Variants in MYO5B observed in about 807,000 individuals in gnomAD.
The protein encoded by MYO5B is myosin VB.
MYO5B carries 143 observed loss-of-function variants against 229.3 expected under a neutral mutation model. The observed-to-expected ratio is 0.62, with a 90% CI of 0.54 to 0.72. The LOEUF (loss-of-function observed/expected upper bound fraction) is 0.72. Ranked by LOEUF, MYO5B falls within the 30% of genes least tolerant of loss-of-function variation. The pLI is 0.00. For synonymous variants in MYO5B, 918 were observed against 885.2 expected (o/e 1.04, Z -0.66); for missense variants, 2,321 against 2,331.0 (o/e 1.00, Z 0.09).
intron 20 of MYO5B, 93 bp from the exon 21 acceptor site, chr18:49,902,926 A>G (rs1176104962): frequency 4.0e-6 from 6 of 1,513,808 alleles, no homozygotes; most frequent in Non-Finnish European, 4.5e-6. Context: ...GGAAGAGGCC[A>G]GGGCAGCCTT....
rs376280130 is a variant in MYO5B at position 50,009,502 on chromosome 18, T to C, written c.456-8091A>G. ...CTATATTAATATAAAAAACCTATTA[T>C]AGTGAGGGAAGTTAGATAGGAGGAA... On this transcript the variant is annotated intron_variant, in intron 4 of 39. Coordinates refer to ENST00000285039, the MANE Select transcript of MYO5B (RefSeq NM_001080467.3). Among the ~76,000 whole-genome samples the C allele has an allele frequency of 1.1e-4, 17 of 152,156 alleles. 1 individual carries two copies. The South Asian group carries it at 1.7e-3, about 15-fold the overall frequency.
At chr18:49,908,690 G>A (rs537547868) in intron 18 of MYO5B, among the ~76,000 whole-genome samples, 50 of 152,276 alleles carry the variant, frequency 3.3e-4, no homozygotes, top group Middle Eastern at 6.8e-3. Flanking sequence ...ACGACAGCCA[G>A]TCTCCGTGAT....
rs1395519853 is a variant in MYO5B, at chr18:49,904,760, G to T, written c.2483C>A (p.Ala828Asp). Residue 828 changes from alanine to aspartate, a missense_variant, in exon 20 of 40, where the codon GCC becomes GAC. Around this residue, in one of 2 missense-constraint regions of MYO5B, gnomAD observed 2,113 missense variants for 2,044.7 expected, o/e 1.03. Transcript: ENST00000285039. ...GCGGACCCTCTGGTAGGCCTGGCGGGCCCTCTGCATGCGGTAATGTTTCTG... is the reference window on the plus strand; with the variant it reads ...GCGGACCCTCTGGTAGGCCTGGCGGTCCCTCTGCATGCGGTAATGTTTCTG... ...VLQKHYRMQR[A>D]RQAYQRVRRA... is the part of the protein sequence containing the mutation. The T allele has an allele frequency of 5.0e-6, 8 of 1,614,036 alleles. No homozygotes were observed. The highest frequency in any genetic ancestry group is 6.8e-6 in the Non-Finnish European group (8 of 1,180,040).
Position 50,028,569 on chromosome 18 carries a change from C to G in MYO5B, c.455+8281G>C, listed in dbSNP as rs1209118078. Among the ~76,000 whole-genome samples, 3 of 152,172 alleles carry G rather than the reference C, an allele frequency of 2.0e-5. No individual in the cohort carries two copies. In the East Asian group the frequency reaches 5.8e-4, roughly 29 times the overall value. On this transcript the variant is annotated intron_variant, in intron 4 of 39. Coordinates refer to ENST00000285039, the MANE Select transcript of MYO5B (RefSeq NM_001080467.3). ...ATAAGAAAATGATCATTATCCTGGA[C>G]AGCTGCACAGGAAGAGCTCAGATCC...
intron 7 of MYO5B, among the ~76,000 whole-genome samples, chr18:49,986,668 C>T (rs146736909): frequency 0.019 from 2,836 of 152,264 alleles, 39 homozygotes; most frequent in Non-Finnish European, 0.03. Context: ...CAGCAAGCAC[C>T]GGCACAGAGC....
intron 1 of MYO5B, among the ~76,000 whole-genome samples, chr18:50,177,385 T>C (rs2033012181): frequency 6.6e-6 from 1 of 152,224 alleles, no homozygotes; most frequent in South Asian, 2.1e-4. Flanking sequence ...TTTTAACAGC[T>C]TGTAAACGTT....
chr18:50,099,499 C>T (rs2031614363), intron 1 of MYO5B, among the ~76,000 whole-genome samples: 1 of 152,318 alleles, frequency 6.6e-6, no homozygotes, highest in Admixed American at 6.5e-5. Context: ...CTCCCAAAAG[C>T]CTGGCTTAGA....
intron 1 of MYO5B, among the ~76,000 whole-genome samples, chr18:50,102,835 T>A (rs1022612593): frequency 1.3e-5 from 2 of 151,996 alleles, no homozygotes; most frequent in African/African-American, 4.8e-5. Context: ...AGCCCAAAGT[T>A]TCTCAAAGTC....
intron 1 of MYO5B, among the ~76,000 whole-genome samples, chr18:50,070,770 T>A (rs1191362130): frequency 6.6e-6 from 1 of 151,774 alleles, no homozygotes; most frequent in Non-Finnish European, 1.5e-5. Flanking sequence ...CACATCCCCA[T>A]CCTACCTGCA....
chr18:49,919,359 C>T (rs935725110), intron 17 of MYO5B, among the ~76,000 whole-genome samples: 2 of 151,884 alleles, frequency 1.3e-5, no homozygotes, highest in African/African-American at 4.8e-5. Context: ...CTTCAAAGAA[C>T]ACTACTAAGG....
At chr18:50,127,170 C>T (rs962993179) in intron 1 of MYO5B, among the ~76,000 whole-genome samples, 1 of 152,178 alleles carries the variant, frequency 6.6e-6, no homozygotes, top group African/African-American at 2.4e-5. Context: ...CCCTACTCTT[C>T]CCACCACACT....
chr18:50,099,431 G>C (rs1201036024), intron 1 of MYO5B, among the ~76,000 whole-genome samples: 1 of 152,234 alleles, frequency 6.6e-6, no homozygotes, highest in African/African-American at 2.4e-5. Flanking sequence ...GGGACACACA[G>C]TAGAGACTTA....
chr18:50,010,561 T>A (rs1040610188), intron 4 of MYO5B, among the ~76,000 whole-genome samples: 1 of 152,250 alleles, frequency 6.6e-6, no homozygotes. Context: ...CCAGGTTATA[T>A]GGGAGCTGTA....
intron 1 of MYO5B, among the ~76,000 whole-genome samples, chr18:50,073,222 T>C (rs1199415184): frequency 6.6e-6 from 1 of 152,184 alleles, no homozygotes; most frequent in Non-Finnish European, 1.5e-5. Flanking sequence ...GGTCCCCAGA[T>C]GACAGAATAA....
chr18:49,972,440 T>C (rs1372941456), intron 10 of MYO5B, among the ~76,000 whole-genome samples: 1 of 152,140 alleles, frequency 6.6e-6, no homozygotes, highest in Non-Finnish European at 1.5e-5. Flanking sequence ...GTTAAGATGA[T>C]ATAGAAATAC....
chr18:49,949,492 A>G (rs576689617), intron 14 of MYO5B, among the ~76,000 whole-genome samples: 35 of 152,298 alleles, frequency 2.3e-4, no homozygotes, highest in Admixed American at 1.7e-3. Flanking sequence ...CGCTCAGACA[A>G]TGGAACTGGC....
chr18:49,885,307 C>T (rs941912185), intron 22 of MYO5B, among the ~76,000 whole-genome samples: 1 of 152,172 alleles, frequency 6.6e-6, no homozygotes, highest in African/African-American at 2.4e-5. Flanking sequence ...AGCACCACAA[C>T]ACATAATGAC....
intron 29 of MYO5B, among the ~76,000 whole-genome samples, chr18:49,857,515 T>G (rs1321287421): frequency 6.6e-6 from 1 of 152,154 alleles, no homozygotes; most frequent in Non-Finnish European, 1.5e-5. Context: ...GGCACAAAAA[T>G]ATTAACTAAT....
chr18:50,161,311 G>C (rs2032761571), intron 1 of MYO5B, among the ~76,000 whole-genome samples: 1 of 152,180 alleles, frequency 6.6e-6, no homozygotes, highest in African/African-American at 2.4e-5. Flanking sequence ...TTGAACTTGG[G>C]AGGTGGAGGT....
Sources: allele counts gnomAD v4.1 joint callset (sites outside exome capture counted in the v4.1 genomes callset), GRCh38; gene constraint gnomAD v4.1.1; regional missense constraint gnomAD v4.1.1; transcripts MANE v1.5; gene names NCBI Gene and HGNC (gene_info 2026-07-23, HGNC 2026-07-21).